POU2F2: variants seen among roughly 807,000 people sequenced by gnomAD.
POU2F2 encodes POU domain, class 2, transcription factor 2.
A neutral mutation model predicts 63.5 loss-of-function variants in POU2F2; 14 were observed. The observed-to-expected ratio is 0.22, with a 90% CI of 0.15 to 0.34. The LOEUF (loss-of-function observed/expected upper bound fraction) is 0.34, where lower values mean the gene tolerates loss of function less well. Among genes scored for constraint, POU2F2 ranks in the 10% least tolerant of loss-of-function variants. The pLI is 1.00. For synonymous variants in POU2F2, 306 were observed against 348.6 expected, an observed-to-expected ratio of 0.88 and a Z score of 1.36; for missense variants, 607 against 815.2, an observed-to-expected ratio of 0.74 and a Z score of 3.11.
chr19:42,108,285 G>A (rs2030463276), intron 5 of POU2F2, among the ~76,000 whole-genome samples: 1 of 152,212 alleles, frequency 6.6e-6, no homozygotes, highest in South Asian at 2.1e-4. Context: ...GCCAACTAAA[G>A]GAATGAAAGA....
chr19:42,173,055 G>A (rs138590273), intron 1 of POU2F2, among the ~76,000 whole-genome samples: 3 of 152,346 alleles, frequency 2.0e-5, no homozygotes, highest in African/African-American at 7.2e-5. Flanking sequence ...CACTGGGGCT[G>A]CTGTGAGAGC....
chr19:42,091,691 G>T lies in POU2F2; in HGVS notation c.1541-100C>A, dbSNP rs763565003. 5 of 1,551,352 alleles carry T rather than the reference G, an allele frequency of 3.2e-6. No individual in the cohort carries two copies. In the South Asian group the frequency reaches 5.9e-5, roughly 18 times the overall value. ...CAGAGTGCCCCCCATCTCCCCATCGGTCCCACTGACCCCCATCAGCACCCC... is the reference window on the plus strand; with the variant it reads ...CAGAGTGCCCCCCATCTCCCCATCGTTCCCACTGACCCCCATCAGCACCCC... On this transcript the variant is annotated intron_variant, in intron 14 of 14. Coordinates refer to ENST00000692977, the MANE Select transcript of POU2F2 (RefSeq NM_001394376.1).
Position 42,191,316 on chromosome 19 carries a change from C to A in POU2F2, c.-70+5067G>T, listed in dbSNP as rs117631655. Reference sequence around the variant, plus strand: ...GATACTTCTTCTCCAACTCCCAGCTCTGTGTCAGCACCTTGGTTCTGACAG... The same window carrying A: ...GATACTTCTTCTCCAACTCCCAGCTATGTGTCAGCACCTTGGTTCTGACAG... On this transcript the variant is annotated intron_variant, in intron 1 of 5. Coordinates refer to the POU2F2 transcript ENST00000532176. 5.5e-4 allele frequency among the ~76,000 whole-genome samples: 84 copies of A among 152,330 alleles called. 1 individual carries two copies. The East Asian group carries it at 0.016, about 29-fold the overall frequency.
intron 2 of POU2F2, among the ~76,000 whole-genome samples, chr19:42,151,664 A>G (rs2034354887): frequency 6.6e-6 from 1 of 152,182 alleles, no homozygotes; most frequent in South Asian, 2.1e-4. Context: ...GCCCAGGCCC[A>G]GGGTTCTCAG....
chr19:42,181,504 A>G (rs911012323), intron 1 of POU2F2, among the ~76,000 whole-genome samples: 1 of 152,200 alleles, frequency 6.6e-6, no homozygotes, highest in Admixed American at 6.5e-5. Context: ...ATAGTACCTG[A>G]TGTATACTAA....
intron 4 of POU2F2, among the ~76,000 whole-genome samples, chr19:42,120,323 T>G (rs2032455466): frequency 6.6e-6 from 1 of 151,726 alleles, no homozygotes. Flanking sequence ...CACAAGCAAT[T>G]CTCCACAATG....
intron 5 of POU2F2, among the ~76,000 whole-genome samples, chr19:42,107,123 G>A (rs921423308): frequency 2.0e-5 from 3 of 152,142 alleles, no homozygotes; most frequent in Non-Finnish European, 4.4e-5. Context: ...CAAGGCGGGC[G>A]AATCACTTGA....
rs1351095010 is a variant in POU2F2, at chr19:42,086,811, G to A, written c.*4446C>T. On this transcript the variant is annotated 3_prime_UTR_variant, in exon 15 of 15. Transcript: ENST00000692977. The stretch of plus-strand genomic sequence containing the variant: ...GCAAGGATAGAGGACAGGAAAGAGA[G>A]GAAGGGGAGGGAGGCAGAAGGGAGG... 1 of 152,196 alleles carries A rather than the reference G, an allele frequency of 6.6e-6. No homozygotes were observed. The highest frequency in any genetic ancestry group is 2.4e-5 in the African/African-American group (1 of 41,428). The allele number at this position is 152,196 out of a possible 1,614,324, so 9.4% of individuals were successfully genotyped here.
At chr19:42,098,676 G>T (rs1470922143) in intron 7 of POU2F2, among the ~76,000 whole-genome samples, 1 of 152,120 alleles carries the variant, frequency 6.6e-6, no homozygotes, top group East Asian at 1.9e-4. Flanking sequence ...GAGCATTTGG[G>T]ATTTCAGAAC....
intron 5 of POU2F2, among the ~76,000 whole-genome samples, chr19:42,102,337 CCAGGG>C (rs2077175222): frequency 6.6e-6 from 1 of 152,150 alleles, no homozygotes; most frequent in Admixed American, 6.5e-5. Context: ...AAAAGGGACA[CCAGGG>C]GGCTTCTGGG....
In POU2F2 at chr19:42,124,303, C is replaced by CA. The variant is rs1249716927; in HGVS notation, c.29-1728dup. 6.9e-3 allele frequency among the ~76,000 whole-genome samples: 298 copies of CA among 43,162 alleles called. 1 individual carries two copies. Among genetic ancestry groups the CA allele is most frequent in the Admixed American group, 9.7e-3 (40 of 4,128 alleles). 28.3% of individuals were successfully genotyped at this position (43,162 alleles called of 152,430 possible). A position where few individuals can be genotyped will look rare whatever the true frequency, so the allele number is the denominator to read the frequency against. ...TGGGTGACAGAGTGAGACCCTGTCT[C>CA]AAAAAAAAAAAAAAAGAAAAAAAAA... is the stretch of plus-strand genomic sequence containing the variant. On this transcript the variant is annotated intron_variant, in intron 1 of 14. Coordinates refer to ENST00000692977, the MANE Select transcript of POU2F2 (RefSeq NM_001394376.1).
chr19:42,113,682 A>AG (rs1190693796), intron 5 of POU2F2, among the ~76,000 whole-genome samples: 2 of 152,266 alleles, frequency 1.3e-5, no homozygotes, highest in African/African-American at 4.8e-5. Context: ...CTCAGGGGCA[A>AG]GGATGGCTGT....
rs745767404 is a variant in POU2F2 at position 42,187,761 on chromosome 19, C to CAAAAA, written c.-70+8617_-70+8621dup. Among the ~76,000 whole-genome samples, 68 of 49,904 alleles carry CAAAAA rather than the reference C, an allele frequency of 1.4e-3. 1 individual carries two copies. Among genetic ancestry groups the CAAAAA allele is most frequent in the African/African-American group, 3.9e-3 (51 of 13,192 alleles). 32.7% of individuals were successfully genotyped at this position (49,904 alleles called of 152,430 possible). ...TGACCGACAGAGCGAGACTCCATCA[C>CAAAAA]AAAAAAAAAAAAAAAAAAACAGGTG... is the stretch of plus-strand genomic sequence containing the variant. On this transcript the variant is annotated intron_variant, in intron 1 of 5. Transcript: ENST00000532176.
At chr19:42,186,232 G>C (rs1312012623) in intron 1 of POU2F2, among the ~76,000 whole-genome samples, 1 of 152,138 alleles carries the variant, frequency 6.6e-6, no homozygotes, top group African/African-American at 2.4e-5. Context: ...GGCTGAAGCA[G>C]GAGAATGGTG....
At chr19:42,102,292 G>A (rs1415104733) in intron 5 of POU2F2, among the ~76,000 whole-genome samples, 4 of 152,128 alleles carry the variant, frequency 2.6e-5, no homozygotes, top group Admixed American at 2.0e-4. Flanking sequence ...CATCCTGTAC[G>A]ATTCTAATGG....
chr19:42,192,965 A>C (rs1599736284), intron 1 of POU2F2, among the ~76,000 whole-genome samples: 1 of 152,100 alleles, frequency 6.6e-6, no homozygotes, highest in African/African-American at 2.4e-5. Flanking sequence ...TCACGCCTGT[A>C]ATCCCAGCAC....
Position 42,091,491 on chromosome 19 carries a change from C to G in POU2F2, c.1641G>C (p.Val547=), listed in dbSNP as rs1407038559. The G allele has an allele frequency of 5.8e-6, 9 of 1,549,668 alleles. No individual in the cohort carries two copies. The highest frequency in any genetic ancestry group is 7.0e-6 in the Non-Finnish European group (8 of 1,145,706). The change falls in exon 15 of 15, where the codon GTG becomes GTC. Residue 547 remains valine (V), a synonymous_variant. Transcript: ENST00000692977. ...CATGATTCAAGAAGAGCGGCGAGGT[C>G]ACCAGGCCAGGGCTCCCCGGGGCTG... ...AGAAPGSPGL[V]TSPLFLNHAG...
At chr19:42,175,939 T>G (rs1034709931) in intron 1 of POU2F2, 3 of 152,072 alleles carry the variant, frequency 2.0e-5, no homozygotes, top group Admixed American at 2.0e-4. Flanking sequence ...ACCCAGCCCT[T>G]TCTCGTTCCC....
intron 2 of POU2F2, among the ~76,000 whole-genome samples, chr19:42,140,314 G>A (rs1294862309): frequency 1.3e-5 from 2 of 152,148 alleles, no homozygotes; most frequent in Non-Finnish European, 1.5e-5. Context: ...AGAGGCCGCC[G>A]CTGTCATCCC....
Sources: allele counts gnomAD v4.1 joint callset (sites outside exome capture counted in the v4.1 genomes callset), GRCh38; gene constraint gnomAD v4.1.1; transcripts MANE v1.5; gene names NCBI Gene and HGNC (gene_info 2026-07-23, HGNC 2026-07-21).